The following GLIS3 variants were observed in gnomAD, a reference collection of about 807,000 sequenced individuals.
The protein encoded by GLIS3 is zinc finger protein GLIS3.
GLIS3 carries 53 observed loss-of-function variants against 78.6 expected under a neutral mutation model. That is an observed-to-expected ratio of 0.67 (90% confidence interval 0.54 to 0.85). The LOEUF is 0.85. Among genes scored for constraint, GLIS3 ranks in the 40% least tolerant of loss-of-function variants. The pLI is 0.00. For missense variants in GLIS3, 1,703 were observed against 1,231.1 expected (o/e 1.38, Z -5.74); for synonymous variants, 684 against 509.9 (o/e 1.34, Z -4.60).
chr9:4,348,403 C>G (rs1817922970), upstream of GLIS3: 1 of 152,218 alleles, frequency 6.6e-6, no homozygotes, highest in Admixed American at 6.5e-5. Context: ...ACATCCCATG[C>G]AGTGGGAAGC....
chr9:4,416,054 C>T, the GLIS3 span, among the ~76,000 whole-genome samples: 1 of 150,450 alleles, frequency 6.6e-6, no homozygotes, highest in Non-Finnish European at 1.5e-5. Flanking sequence ...GCCGACCTCA[C>T]TTTGCAGAGC....
At chr9:4,362,435 C>T in the GLIS3 span, among the ~76,000 whole-genome samples, 3 of 152,196 alleles carry the variant, frequency 2.0e-5, no homozygotes, top group African/African-American at 7.2e-5. Context: ...TGAGCCATCT[C>T]AGCTGAAGCT....
At chr9:4,114,820 T>C (rs1831509915) in intron 4 of GLIS3, among the ~76,000 whole-genome samples, 1 of 151,800 alleles carries the variant, frequency 6.6e-6, no homozygotes, top group Non-Finnish European at 1.5e-5. Flanking sequence ...AAGAAAGAGA[T>C]CTACACAAGG....
At chr9:4,340,932 C>G (rs1817825286) in intron 2 of GLIS3, among the ~76,000 whole-genome samples, 1 of 152,184 alleles carries the variant, frequency 6.6e-6, no homozygotes, top group South Asian at 2.1e-4. Flanking sequence ...CTGCCTCGGC[C>G]TCCCAAAGTG....
intron 8 of GLIS3, among the ~76,000 whole-genome samples, chr9:3,863,778 G>A (rs551085531): frequency 1.5e-3 from 233 of 152,272 alleles, no homozygotes; most frequent in Non-Finnish European, 2.4e-3. Context: ...TGTAGGGAGC[G>A]AGTTGTAAGT....
chr9:4,140,153 G>A (rs1466966249), intron 2 of GLIS3, among the ~76,000 whole-genome samples: 1 of 152,132 alleles, frequency 6.6e-6, no homozygotes, highest in South Asian at 2.1e-4. Context: ...GCGAAACGCT[G>A]TCTCCACAAA....
chr9:3,983,161 T>A (rs528452111), intron 4 of GLIS3, among the ~76,000 whole-genome samples: 1 of 152,266 alleles, frequency 6.6e-6, no homozygotes, highest in East Asian at 1.9e-4. Context: ...GCTGTTCTCT[T>A]GATAGTGAAT....
intron 2 of GLIS3, among the ~76,000 whole-genome samples, chr9:4,238,495 G>C (rs1252295744): frequency 6.6e-6 from 1 of 152,132 alleles, no homozygotes; most frequent in Non-Finnish European, 1.5e-5. Flanking sequence ...TTTTTAAAAA[G>C]TGCCAAATAT....
intron 4 of GLIS3, among the ~76,000 whole-genome samples, chr9:4,090,217 C>G (rs960807213): frequency 1.3e-5 from 2 of 152,206 alleles, no homozygotes; most frequent in East Asian, 3.9e-4. Context: ...TCCTCATTAT[C>G]TTTTGGGAAA....
chr9:3,923,006 T>C (rs759467842), intron 6 of GLIS3, among the ~76,000 whole-genome samples: 10 of 152,136 alleles, frequency 6.6e-5, no homozygotes, highest in Non-Finnish European at 1.5e-4. Flanking sequence ...ACTCCTAGAA[T>C]TCCAAGATAA....
At chr9:4,126,920 T>C (rs1472231415) in intron 2 of GLIS3, among the ~76,000 whole-genome samples, 2 of 152,224 alleles carry the variant, frequency 1.3e-5, no homozygotes, top group Admixed American at 6.5e-5. Context: ...CATTGATATA[T>C]TTGGGATCGA....
chr9:4,288,523 G>C (rs1012129521), intron 1 of GLIS3, among the ~76,000 whole-genome samples: 1 of 151,978 alleles, frequency 6.6e-6, no homozygotes, highest in African/African-American at 2.4e-5. Flanking sequence ...TCATATACGA[G>C]CAGGAATTCT....
At chr9:4,445,258 G>C in the GLIS3 span, among the ~76,000 whole-genome samples, 1 of 152,176 alleles carries the variant, frequency 6.6e-6, no homozygotes, top group Non-Finnish European at 1.5e-5. Flanking sequence ...AAACTGTAAA[G>C]TGCTGTAGCA....
intron 4 of GLIS3, among the ~76,000 whole-genome samples, chr9:4,032,737 T>G (rs1823953879): frequency 6.6e-6 from 1 of 150,920 alleles, no homozygotes; most frequent in African/African-American, 2.5e-5. Context: ...CCATGAGGTT[T>G]CTGCTTACCA....
At chr9:3,845,314 G>A (rs1015825818) in intron 9 of GLIS3, among the ~76,000 whole-genome samples, 8 of 152,084 alleles carry the variant, frequency 5.3e-5, no homozygotes, top group East Asian at 1.9e-4. Flanking sequence ...ACAAAATATA[G>A]AATGTGAGGT....
chr9:4,353,537 T>C, the GLIS3 span, among the ~76,000 whole-genome samples: 1 of 152,114 alleles, frequency 6.6e-6, no homozygotes, highest in Admixed American at 6.5e-5. Flanking sequence ...GGCACTGGCA[T>C]GTGTACTTGT....
chr9:4,058,098 C>T (rs917325238), intron 4 of GLIS3, among the ~76,000 whole-genome samples: 1 of 152,080 alleles, frequency 6.6e-6, no homozygotes, highest in African/African-American at 2.4e-5. Flanking sequence ...ATGGATTGTA[C>T]CAAATCACAA....
In GLIS3 at chr9:3,828,334, A is replaced by G. The variant is rs765676174; in HGVS notation, c.2731T>C (p.Leu911=). 5 of 1,614,116 alleles carry G rather than the reference A, an allele frequency of 3.1e-6. No homozygotes were observed. Among genetic ancestry groups the G allele is most frequent in the Non-Finnish European group, 3.4e-6 (4 of 1,180,014 alleles). ...LRSGAEDATF[L]QISTVDRCPS... ...CAGCGGTCCACGGTGCTGATCTGCA[A>G]GAAGGTAGCATCTTCAGCCCCGCTG... Residue 911 remains leucine, a synonymous_variant, in exon 11 of 11, where the codon TTG becomes CTG. Coordinates refer to ENST00000381971, the MANE Select transcript of GLIS3 (RefSeq NM_001042413.2).
At position 3,827,977 on chromosome 9, in the gene GLIS3, G is replaced by T. The variant is rs187260461; in HGVS notation, c.*295C>A. On this transcript the variant is annotated 3_prime_UTR_variant, in exon 11 of 11. Coordinates refer to ENST00000381971, the MANE Select transcript of GLIS3 (RefSeq NM_001042413.2). ...ATCATTTCACTGGGGTCCTTTAAGG[G>T]TTGACAGCCAGGAAGTAACAGGTAT... The T allele has an allele frequency of 1.6e-5, 7 of 445,356 alleles. No homozygotes were observed. The East Asian group carries it at 3.2e-4, about 20-fold the overall frequency. 27.6% of individuals were successfully genotyped at this position (445,356 alleles called of 1,614,324 possible).
Sources: allele counts gnomAD v4.1 joint callset (sites outside exome capture counted in the v4.1 genomes callset), GRCh38; gene constraint gnomAD v4.1.1; transcripts MANE v1.5; gene names NCBI Gene and HGNC (gene_info 2026-07-23, HGNC 2026-07-21).